Variants in SNX1 observed in about 807,000 individuals in gnomAD.
SNX1 encodes the protein sorting nexin 1.
In SNX1, 36 loss-of-function variants were observed where a neutral mutation model predicts 71.8. That is an observed-to-expected ratio of 0.50 (90% CI 0.38 to 0.66). The LOEUF (loss-of-function observed/expected upper bound fraction) is 0.66. SNX1 is among the 30% of genes least tolerant of loss of function. SNX1 has a pLI of 0.00. For missense variants in SNX1, 612 were observed against 646.7 expected (o/e 0.95, Z 0.58); for synonymous variants, 254 against 240.7 (o/e 1.06, Z -0.51).
At chr15:64,116,103 A>T (rs2081126253) in intron 2 of SNX1, among the ~76,000 whole-genome samples, 1 of 152,240 alleles carries the variant, frequency 6.6e-6, no homozygotes, top group Admixed American at 6.5e-5. Context: ...AAGATAATCA[A>T]TTAACATGTC....
chr15:64,111,247 G>T (rs2081075189), intron 1 of SNX1, among the ~76,000 whole-genome samples: 1 of 152,064 alleles, frequency 6.6e-6, no homozygotes, highest in Non-Finnish European at 1.5e-5. Context: ...TTTCTGCAGT[G>T]ATTTTTTAGT....
chr15:64,117,679 C>T (rs2140144101), intron 2 of SNX1, among the ~76,000 whole-genome samples: 1 of 152,298 alleles, frequency 6.6e-6, no homozygotes, highest in Non-Finnish European at 1.5e-5. Flanking sequence ...GTAGTACCAC[C>T]TATTCAGGAG....
chr15:64,117,765 C>G (rs1463833334), intron 2 of SNX1, among the ~76,000 whole-genome samples: 2 of 152,114 alleles, frequency 1.3e-5, no homozygotes, highest in Non-Finnish European at 1.5e-5. Flanking sequence ...GCACTCCAAC[C>G]TGGGTGACAG....
chr15:64,099,741 C>T (rs1437981047), intron 1 of SNX1, among the ~76,000 whole-genome samples: 1 of 152,204 alleles, frequency 6.6e-6, no homozygotes, highest in Non-Finnish European at 1.5e-5. Flanking sequence ...GACATAGTCT[C>T]ACTCTTTTTG....
rs568486004 is a variant in SNX1 at position 64,136,547 on chromosome 15, T to C, written c.1446+137T>C. The C allele has an allele frequency of 4.1e-6, 3 of 734,460 alleles. No homozygotes were observed. The Admixed American group carries it at 6.3e-5, about 15-fold the overall frequency. 45.5% of individuals were successfully genotyped at this position (734,460 alleles called of 1,614,324 possible). A position where few individuals can be genotyped will look rare whatever the true frequency, so the allele number is the denominator to read the frequency against. ...TCTCGTGAGCAGGCGTGGCCTTCTT[T>C]GGGGGGGTGTGTGCTTGATCCTAGG... On this transcript the variant is annotated intron_variant, in intron 13 of 14. Transcript: ENST00000559844.
chr15:64,101,885 G>A (rs1235738738), intron 1 of SNX1, among the ~76,000 whole-genome samples: 2 of 152,202 alleles, frequency 1.3e-5, no homozygotes, highest in Non-Finnish European at 2.9e-5. Context: ...TTCTGAAAGA[G>A]AGGATTTTGA....
rs1322721150 is a variant in SNX1, at chr15:64,136,771, T to G, written c.1447-90T>G. On this transcript the variant is annotated intron_variant, in intron 13 of 14. Coordinates refer to ENST00000559844, the MANE Select transcript of SNX1 (RefSeq NM_003099.5). ...ACCTGCTGCCTCTACTTTCTGAGAC[T>G]GTGTTTGGCCTTGGTCAGCAATAAA... is the stretch of plus-strand genomic sequence containing the variant. The G allele has an allele frequency of 6.6e-6, 6 of 913,934 alleles. No individual in the cohort carries two copies. In the African/African-American group the frequency reaches 1.0e-4, roughly 15 times the overall value. 56.6% of individuals were successfully genotyped at this position (913,934 alleles called of 1,614,324 possible).
intron 1 of SNX1, among the ~76,000 whole-genome samples, chr15:64,106,831 CACAGCCCTACTGACA>C (rs1243413126): frequency 6.6e-6 from 1 of 152,202 alleles, no homozygotes; most frequent in Non-Finnish European, 1.5e-5. Context: ...CAGAAAGGAA[CACAGCCCTACTGACA>C]CCTTGATTTT....
At chr15:64,097,062 T>G (rs2080910245) in intron 1 of SNX1, among the ~76,000 whole-genome samples, 1 of 152,166 alleles carries the variant, frequency 6.6e-6, no homozygotes, top group African/African-American at 2.4e-5. Context: ...CTTACAAAGT[T>G]TTCTGGATTT....
Position 64,142,472 on chromosome 15 carries a change from CAG to C in SNX1, c.*4857_*4858del. 1 of 332,890 alleles carries C rather than the reference CAG, an allele frequency of 3.0e-6. No homozygotes were observed. Among genetic ancestry groups the C allele is most frequent in the Non-Finnish European group, 6.0e-6 (1 of 167,466 alleles). The allele number at this position is 332,890 out of a possible 1,614,324, so 20.6% of individuals were successfully genotyped here. A position where few individuals can be genotyped will look rare whatever the true frequency, so the allele number is the denominator to read the frequency against. ...CAGAGAAGAGAAAGAGAATGACTATCAGAGCCATGTTTGGAAGAAAATGGGGT... is the reference window on the plus strand; with the variant it reads ...CAGAGAAGAGAAAGAGAATGACTATCAGCCATGTTTGGAAGAAAATGGGGT... On this transcript the variant is annotated 3_prime_UTR_variant, in exon 15 of 15. Transcript: ENST00000559844.
At chr15:64,096,282 C>T (rs2080899913) in intron 1 of SNX1, 110 bp downstream of exon 1, 2 of 1,313,456 alleles carry the variant, frequency 1.5e-6, no homozygotes, top group Non-Finnish European at 2.0e-6. Context: ...GACCTTGCCT[C>T]GGTGTCAGCA....
rs1319593590 is a variant in SNX1, at chr15:64,129,343, C to T, written c.808-573C>T. Among the ~76,000 whole-genome samples, 1 of 152,070 alleles carries T rather than the reference C, an allele frequency of 6.6e-6. No homozygotes were observed. Among genetic ancestry groups the T allele is most frequent in the Non-Finnish European group, 1.5e-5 (1 of 68,034 alleles). ...GTATATGCTATAGATTTTTCAGCGTCCTTTCCATGCCCTAGGAGAGTACTG... is the reference window on the plus strand; with the variant it reads ...GTATATGCTATAGATTTTTCAGCGTTCTTTCCATGCCCTAGGAGAGTACTG... On this transcript the variant is annotated intron_variant, in intron 8 of 14. Transcript: ENST00000559844. The surrounding 1 kb of genome is among the most constrained non-coding windows in gnomAD (Gnocchi z 4.4).
At position 64,143,440 on chromosome 15, in the gene SNX1, C is replaced by T. The variant is rs1297724227; in HGVS notation, c.*5822C>T. On this transcript the variant is annotated 3_prime_UTR_variant, in exon 15 of 15. Transcript: ENST00000559844. The stretch of plus-strand genomic sequence containing the variant: ...CCCCAGCAAAGGTTCAGGCTCAAAA[C>T]AGGTGTCAAATAGATAACTGTTGAA... 1 of 152,226 alleles carries T rather than the reference C, an allele frequency of 6.6e-6. No homozygotes were observed. The highest frequency in any genetic ancestry group is 1.5e-5 in the Non-Finnish European group (1 of 68,056). The allele number at this position is 152,226 out of a possible 1,614,324, so 9.4% of individuals were successfully genotyped here. A position where few individuals can be genotyped will look rare whatever the true frequency, so the allele number is the denominator to read the frequency against.
intron 1 of SNX1, among the ~76,000 whole-genome samples, chr15:64,101,612 A>G (rs1026674052): frequency 6.6e-6 from 1 of 152,152 alleles, no homozygotes; most frequent in Non-Finnish European, 1.5e-5. Context: ...ATTCTTTTGG[A>G]TATATATCCA....
chr15:64,138,291 TCTC>T lies in SNX1; in HGVS notation c.*676_*678del, dbSNP rs1274048657. On this transcript the variant is annotated 3_prime_UTR_variant, in exon 15 of 15. Coordinates refer to ENST00000559844, the MANE Select transcript of SNX1 (RefSeq NM_003099.5). ...AGGAGCAAAATCTATTAAAACCTAT[TCTC>T]CTGCAAAGGAGGCAGAGACTTTCTC... is the stretch of plus-strand genomic sequence containing the variant. The T allele has an allele frequency of 8.2e-7, 1 of 1,214,086 alleles. No individual in the cohort carries two copies. Among genetic ancestry groups the T allele is most frequent in the Non-Finnish European group, 1.1e-6 (1 of 917,268 alleles). The allele number at this position is 1,214,086 out of a possible 1,614,324, so 75.2% of individuals were successfully genotyped here.
At chr15:64,104,272 GTTTTTTTTTT>G (rs34006143) in intron 1 of SNX1, among the ~76,000 whole-genome samples, 1 of 123,332 alleles carries the variant, frequency 8.1e-6, no homozygotes, top group East Asian at 2.3e-4. Context: ...GGAGTAAAGG[GTTTTTTTTTT>G]TTTTTTTTGG....
chr15:64,126,665 C>T (rs937230913), intron 6 of SNX1, among the ~76,000 whole-genome samples: 1 of 152,106 alleles, frequency 6.6e-6, no homozygotes, highest in African/African-American at 2.4e-5. Context: ...CTGAAACCTC[C>T]ACCTTCCGGG....
chr15:64,096,579 A>G (rs1308818677), intron 1 of SNX1, among the ~76,000 whole-genome samples: 3 of 152,216 alleles, frequency 2.0e-5, no homozygotes, highest in Non-Finnish European at 4.4e-5. Context: ...GAATAGCGTT[A>G]TGTGGACTAG....
chr15:64,130,479 T>G (rs770881052), intron 10 of SNX1, among the ~76,000 whole-genome samples, 158 bp downstream of exon 10: 2 of 152,188 alleles, frequency 1.3e-5, no homozygotes, highest in Non-Finnish European at 1.5e-5. Flanking sequence ...GTATGCCCTG[T>G]GTCTCCTGGC....
Sources: allele counts gnomAD v4.1 joint callset (sites outside exome capture counted in the v4.1 genomes callset), GRCh38; gene constraint gnomAD v4.1.1; non-coding constraint Gnocchi (gnomAD v3.1); transcripts MANE v1.5; gene names NCBI Gene and HGNC (gene_info 2026-07-23, HGNC 2026-07-21).